The following WASF1 variants were observed in gnomAD, a reference collection of about 807,000 sequenced individuals.
WASF1 encodes actin-binding protein WASF1.
A neutral mutation model predicts 50.5 loss-of-function variants in WASF1; 7 were observed. That is an observed-to-expected ratio of 0.14 (90% CI 0.08 to 0.26). WASF1 has a LOEUF of 0.26. Among genes scored for constraint, WASF1 ranks in the 10% least tolerant of loss-of-function variants. WASF1 has a pLI of 1.00. For synonymous variants in WASF1, 205 were observed against 244.0 expected, an observed-to-expected ratio of 0.84 and a Z score of 1.49; for missense variants, 470 against 694.7, an observed-to-expected ratio of 0.68 and a Z score of 3.64.
At chr6:110,116,715 GCCT>G (rs1773828711) in intron 4 of WASF1, among the ~76,000 whole-genome samples, 1 of 152,114 alleles carries the variant, frequency 6.6e-6, no homozygotes, top group Non-Finnish European at 1.5e-5. Context: ...CGGACAGACT[GCCT>G]CCTCAAGTGG....
intron 3 of WASF1, among the ~76,000 whole-genome samples, chr6:110,147,277 C>T (rs1003968451): frequency 6.0e-5 from 9 of 148,832 alleles, no homozygotes; most frequent in African/African-American, 1.5e-4. Context: ...ACCCGGGAGG[C>T]GGAGCTTGCA....
intron 4 of WASF1, among the ~76,000 whole-genome samples, chr6:110,124,222 CTCTCCTCTCTCTCCTCTCTCT>C (rs1774277353): frequency 1.3e-5 from 1 of 77,732 alleles, no homozygotes; most frequent in African/African-American, 7.9e-5. Context: ...TCTCTCCTCT[CTCTCCTCTCTCTCCTCTCTCT>C]CTCTCTCTCT....
intron 3 of WASF1, among the ~76,000 whole-genome samples, chr6:110,145,847 G>A (rs914509805): frequency 2.6e-5 from 4 of 151,984 alleles, no homozygotes; most frequent in African/African-American, 9.7e-5. Flanking sequence ...GGATGAAGCT[G>A]GAAACCATCA....
intron 3 of WASF1, among the ~76,000 whole-genome samples, chr6:110,140,714 G>C (rs975530822): frequency 6.6e-6 from 1 of 152,102 alleles, no homozygotes; most frequent in African/African-American, 2.4e-5. Flanking sequence ...TGAGAGCAGA[G>C]GAAAAACACA....
At position 110,179,083 on chromosome 6, in the gene WASF1, G is replaced by A. The variant is rs572817792; in HGVS notation, c.-271-341C>T. Among the ~76,000 whole-genome samples the A allele has an allele frequency of 9.2e-5, 14 of 152,348 alleles. 1 individual carries two copies. The South Asian group carries it at 2.5e-3, about 27-fold the overall frequency. ...GTCGCCCGGGGCTACCGCCTCCCCC[G>A]GAAAGAGGCACGGGGCGGACCGCGG... On this transcript the variant is annotated intron_variant, in intron 1 of 10. Transcript: ENST00000392589.
intron 2 of WASF1, among the ~76,000 whole-genome samples, chr6:110,174,947 G>A (rs186021081): frequency 1.1e-4 from 17 of 152,148 alleles, no homozygotes; most frequent in Admixed American, 6.5e-4. Flanking sequence ...CAGGCACTGG[G>A]AACACAAAAA....
At chr6:110,109,718 A>AT (rs760717199) in intron 5 of WASF1, among the ~76,000 whole-genome samples, 3,943 of 144,504 alleles carry the variant, frequency 0.027, 85 homozygotes, top group Non-Finnish European at 0.041. Context: ...TGGCCGACTA[A>AT]TTTTTTTTTT....
chr6:110,117,363 A>G (rs1295998597), intron 4 of WASF1, among the ~76,000 whole-genome samples: 1 of 152,256 alleles, frequency 6.6e-6, no homozygotes, highest in Non-Finnish European at 1.5e-5. Context: ...TTTGTGACGC[A>G]TGCACAAGCT....
intron 7 of WASF1, 141 bp downstream of exon 7, chr6:110,106,936 G>A (rs1027566847): frequency 5.1e-5 from 32 of 622,854 alleles, no homozygotes; most frequent in Non-Finnish European, 8.2e-5. Flanking sequence ...TTCTTTCTGT[G>A]GAGTTATAAA....
chr6:110,100,776 A>G (rs1268433740), intron 10 of WASF1, 97 bp from the exon 11 acceptor site: 1 of 1,231,024 alleles, frequency 8.1e-7, no homozygotes, highest in Non-Finnish European at 1.1e-6. Flanking sequence ...CATGAGAAAT[A>G]CTTATAGGAA....
chr6:110,152,594 T>C lies in WASF1; in HGVS notation c.-29+8041A>G, dbSNP rs76743527. Among the ~76,000 whole-genome samples the C allele has an allele frequency of 2.2e-3, 332 of 152,266 alleles. 2 individuals are homozygous for C. The highest frequency in any genetic ancestry group is 0.016 in the East Asian group (83 of 5,178). ...ACAACTACCAGGAACTTGAATGAGC[T>C]TGCAAGGTGATTGTTCCCCAGAGCC... On this transcript the variant is annotated intron_variant, in intron 3 of 10. Transcript: ENST00000392589.
chr6:110,149,296 T>A (rs1408217943), intron 3 of WASF1, among the ~76,000 whole-genome samples: 2 of 152,084 alleles, frequency 1.3e-5, no homozygotes, highest in Non-Finnish European at 2.9e-5. Context: ...TTAGATTTAC[T>A]TAATTGCTTT....
chr6:110,119,805 A>G (rs1774005308), intron 4 of WASF1, among the ~76,000 whole-genome samples: 1 of 152,224 alleles, frequency 6.6e-6, no homozygotes, highest in Non-Finnish European at 1.5e-5. Context: ...AATACTGGCA[A>G]ACCAAATCCA....
intron 4 of WASF1, among the ~76,000 whole-genome samples, chr6:110,118,948 G>A (rs945596733): frequency 6.6e-6 from 1 of 152,134 alleles, no homozygotes; most frequent in Non-Finnish European, 1.5e-5. Context: ...TGACTAATGG[G>A]TAAATAACAA....
At chr6:110,147,703 T>C (rs1419674632) in intron 3 of WASF1, among the ~76,000 whole-genome samples, 2 of 152,206 alleles carry the variant, frequency 1.3e-5, no homozygotes, top group African/African-American at 2.4e-5. Flanking sequence ...TGAAACTTAC[T>C]TGACAAATCA....
chr6:110,107,027 A>C lies in WASF1; in HGVS notation c.540+50T>G, dbSNP rs574944539. 9.6e-6 allele frequency: 13 copies of C among 1,347,564 alleles called. No homozygotes were observed. In the East Asian group the frequency reaches 2.8e-4, roughly 29 times the overall value. 83.5% of individuals were successfully genotyped at this position (1,347,564 alleles called of 1,614,324 possible). On this transcript the variant is annotated intron_variant, in intron 7 of 10. Coordinates refer to ENST00000392589, the MANE Select transcript of WASF1 (RefSeq NM_003931.3). ...TTAATGAAGTTCAATATATGCAACA[A>C]AACACAAATATACAAAAATTAACCT...
At chr6:110,160,495 A>G (rs1383340599) in intron 3 of WASF1, 140 bp downstream of exon 3, 1 of 151,788 alleles carries the variant, frequency 6.6e-6, no homozygotes, top group African/African-American at 2.4e-5. Context: ...CTACACACTT[A>G]ATTTTTAAAT....
At chr6:110,117,230 T>C (rs1283737041) in intron 4 of WASF1, among the ~76,000 whole-genome samples, 1 of 152,156 alleles carries the variant, frequency 6.6e-6, no homozygotes, top group Non-Finnish European at 1.5e-5. Context: ...TAAAGGAGCA[T>C]GTTCTAACCA....
chr6:110,172,671 T>C (rs981153477), intron 2 of WASF1, among the ~76,000 whole-genome samples: 2 of 152,166 alleles, frequency 1.3e-5, no homozygotes, highest in Non-Finnish European at 2.9e-5. Flanking sequence ...CTAAGTGAAC[T>C]AACTCAGAAA....
Sources: allele counts gnomAD v4.1 joint callset (sites outside exome capture counted in the v4.1 genomes callset), GRCh38; gene constraint gnomAD v4.1.1; transcripts MANE v1.5; gene names NCBI Gene and HGNC (gene_info 2026-07-23, HGNC 2026-07-21).